Variants in CSMD1 observed in about 807,000 individuals in gnomAD.
The protein encoded by CSMD1 is CUB and Sushi multiple domains 1.
In CSMD1, 213 loss-of-function variants were observed where a neutral mutation model predicts 417.5. The observed-to-expected ratio is 0.51, with a 90% CI of 0.46 to 0.57. The LOEUF is 0.57. CSMD1 is among the 20% of genes least tolerant of loss of function. The pLI is 0.00. For missense variants in CSMD1, 6,923 were observed against 4,529.7 expected, an observed-to-expected ratio of 1.53 and a Z score of -15.17; for synonymous variants, 2,862 against 1,736.8, an observed-to-expected ratio of 1.65 and a Z score of -16.11.
chr8:3,404,320 G>C (rs1210595811), intron 15 of CSMD1, among the ~76,000 whole-genome samples: 2 of 132,638 alleles, frequency 1.5e-5, no homozygotes, highest in African/African-American at 5.8e-5. Flanking sequence ...GGGTGACAGA[G>C]CCAGACGCTA....
At chr8:3,708,619 G>A in intron 6 of CSMD1, 128 bp from the exon 7 acceptor site, 3 of 722,422 alleles carry the variant, frequency 4.2e-6, no homozygotes, top group South Asian at 1.7e-5. Context: ...TGTTCTAAGA[G>A]GTGAATGATA....
chr8:3,919,006 C>G (rs1053385503), intron 5 of CSMD1, among the ~76,000 whole-genome samples: 3 of 151,878 alleles, frequency 2.0e-5, no homozygotes, highest in Non-Finnish European at 4.4e-5. Context: ...CAAATACCAC[C>G]TGCTCCAGAA....
At chr8:3,550,371 C>G (rs956826424) in intron 10 of CSMD1, among the ~76,000 whole-genome samples, 2 of 152,196 alleles carry the variant, frequency 1.3e-5, no homozygotes, top group Admixed American at 6.5e-5. Context: ...CCCGCCTGGA[C>G]CAATCTTCCT....
At chr8:2,967,859 C>A (rs545852750) in intron 57 of CSMD1, among the ~76,000 whole-genome samples, 8 of 152,276 alleles carry the variant, frequency 5.3e-5, no homozygotes, top group African/African-American at 1.9e-4. Flanking sequence ...CTTCTGATTA[C>A]ATAGAAATAA....
intron 1 of CSMD1, among the ~76,000 whole-genome samples, chr8:4,882,100 C>G (rs2028231): frequency 6.6e-6 from 1 of 151,576 alleles, no homozygotes; most frequent in African/African-American, 2.4e-5. Context: ...CATTTAACCA[C>G]AGTATTTTGT....
intron 5 of CSMD1, among the ~76,000 whole-genome samples, chr8:3,990,856 C>T (rs562701084): frequency 6.6e-6 from 1 of 152,206 alleles, no homozygotes; most frequent in Non-Finnish European, 1.5e-5. Flanking sequence ...GTGCAGCTGC[C>T]CCTTCACAGA....
At chr8:4,458,174 A>G (rs1312138699) in intron 2 of CSMD1, among the ~76,000 whole-genome samples, 2 of 152,148 alleles carry the variant, frequency 1.3e-5, no homozygotes, top group African/African-American at 2.4e-5. Context: ...TGATTAATAT[A>G]CTAAATATCA....
chr8:3,092,194 G>C (rs1814992148), intron 47 of CSMD1, among the ~76,000 whole-genome samples: 1 of 151,772 alleles, frequency 6.6e-6, no homozygotes, highest in South Asian at 2.1e-4. Flanking sequence ...CTAGTAATTT[G>C]GAGTTTTAAA....
At chr8:3,608,001 C>G (rs778339022) in intron 8 of CSMD1, among the ~76,000 whole-genome samples, 1 of 152,018 alleles carries the variant, frequency 6.6e-6, no homozygotes, top group Non-Finnish European at 1.5e-5. Flanking sequence ...AAAACCCTGT[C>G]TCTACTAAAA....
intron 1 of CSMD1, among the ~76,000 whole-genome samples, chr8:4,966,737 T>G (rs1302050272): frequency 6.6e-6 from 1 of 152,196 alleles, no homozygotes; most frequent in African/African-American, 2.4e-5. Context: ...AAAAGGACTA[T>G]AAAATTGGAT....
chr8:4,695,893 G>C (rs1028687775), intron 1 of CSMD1, among the ~76,000 whole-genome samples: 1 of 152,196 alleles, frequency 6.6e-6, no homozygotes, highest in Non-Finnish European at 1.5e-5. Flanking sequence ...GAAACCCTAT[G>C]TATTTGCCAA....
rs181331349 is a variant in CSMD1 at position 3,357,178 on chromosome 8, G to A, written c.3304+1974C>T. Among the ~76,000 whole-genome samples the A allele has an allele frequency of 3.5e-3, 532 of 152,264 alleles. 6 individuals are homozygous for A. Among genetic ancestry groups the A allele is most frequent in the African/African-American group, 0.012 (509 of 41,546 alleles). ...AGCACCCGAATGCACCAGAGGGGCT[G>A]GAGGAAAAATCAGGAAACTGCAGGC... On this transcript the variant is annotated intron_variant, in intron 21 of 69. Coordinates refer to ENST00000635120, the MANE Select transcript of CSMD1 (RefSeq NM_033225.6).
At chr8:4,480,221 A>C (rs997374348) in intron 2 of CSMD1, among the ~76,000 whole-genome samples, 2 of 151,776 alleles carry the variant, frequency 1.3e-5, no homozygotes, top group Non-Finnish European at 2.9e-5. Flanking sequence ...CCGAGAAGGA[A>C]ATTACTGCTG....
rs146426023 is a variant in CSMD1 at position 4,838,644 on chromosome 8, T to C, written c.85+155688A>G. On this transcript the variant is annotated intron_variant, in intron 1 of 69. Coordinates refer to ENST00000635120, the MANE Select transcript of CSMD1 (RefSeq NM_033225.6). ...ACATGCTATTGCAAAACAATAGCTC[T>C]ATTGCAGACGCGGAGGTGGGATGAG... Among the ~76,000 whole-genome samples, 1,297 of 152,358 alleles carry C rather than the reference T, an allele frequency of 8.5e-3. 13 individuals carry two copies. Among genetic ancestry groups the C allele is most frequent in the South Asian group, 0.035 (169 of 4,828 alleles).
At position 4,853,414 on chromosome 8, in the gene CSMD1, G is replaced by C. The variant is rs34825004; in HGVS notation, c.85+140918C>G. 3.5e-3 allele frequency among the ~76,000 whole-genome samples: 528 copies of C among 152,334 alleles called. 3 individuals are homozygous for C. Among genetic ancestry groups the C allele is most frequent in the Middle Eastern group, 0.014 (4 of 294 alleles). On this transcript the variant is annotated intron_variant, in intron 1 of 69. Transcript: ENST00000635120. Reference sequence around the variant, plus strand: ...AGGTACAGCTCATATTGCTGCTTCAGAGGGTGCAATCCATAAGCTTGGCAG... The same window carrying C: ...AGGTACAGCTCATATTGCTGCTTCACAGGGTGCAATCCATAAGCTTGGCAG...
At chr8:3,290,830 C>G (rs1803501082) in intron 25 of CSMD1, among the ~76,000 whole-genome samples, 2 of 150,006 alleles carry the variant, frequency 1.3e-5, no homozygotes, top group South Asian at 2.1e-4. Flanking sequence ...TTTCTCGTGC[C>G]TAATTGCCCT....
intron 1 of CSMD1, among the ~76,000 whole-genome samples, chr8:4,990,389 G>C (rs540014120): frequency 6.6e-6 from 1 of 151,458 alleles, no homozygotes; most frequent in African/African-American, 2.4e-5. Context: ...TTGAGATGGA[G>C]CTTAGCTTTT....
intron 3 of CSMD1, among the ~76,000 whole-genome samples, chr8:4,065,238 A>G (rs1194895364): frequency 1.3e-5 from 2 of 152,208 alleles, no homozygotes; most frequent in African/African-American, 2.4e-5. Flanking sequence ...ATAAACAATT[A>G]CAGTGCAGTT....
intron 3 of CSMD1, among the ~76,000 whole-genome samples, chr8:4,177,726 A>C (rs1441797347): frequency 6.6e-6 from 1 of 150,636 alleles, no homozygotes; most frequent in Non-Finnish European, 1.5e-5. Flanking sequence ...AAATAGATGC[A>C]ATAAAAAATG....
Sources: gnomAD v4.1 joint callset for allele counts (sites outside exome capture counted in the v4.1 genomes callset) on GRCh38, gnomAD v4.1.1 for gene constraint, MANE v1.5 for transcripts, NCBI Gene and HGNC (gene_info 2026-07-23, HGNC 2026-07-21) for gene names.